ASTN1: variants seen among roughly 807,000 people sequenced by gnomAD.
ASTN1 encodes the protein astrotactin-1.
Under a neutral mutation model 140.7 loss-of-function variants are expected in ASTN1, and 41 were observed. The observed-to-expected ratio is 0.29, with a 90% CI of 0.23 to 0.38. ASTN1 has a LOEUF of 0.38. Among genes scored for constraint, ASTN1 ranks in the 10% least tolerant of loss-of-function variants. The pLI is 1.00. For synonymous variants in ASTN1, 640 were observed against 652.2 expected (o/e 0.98, Z 0.29); for missense variants, 1,479 against 1,678.8 (o/e 0.88, Z 2.08).
chr1:176,954,325 A>T (rs1321169024), intron 11 of ASTN1, among the ~76,000 whole-genome samples: 1 of 152,220 alleles, frequency 6.6e-6, no homozygotes, highest in African/African-American at 2.4e-5. Context: ...TGTGCTACAG[A>T]AAAATGGTCA....
chr1:177,036,901 C>T (rs1483818424), intron 2 of ASTN1, among the ~76,000 whole-genome samples: 11 of 152,050 alleles, frequency 7.2e-5, no homozygotes, highest in African/African-American at 2.7e-4. Flanking sequence ...CCCACTGCAA[C>T]CTCCATCTCC....
rs930181352 is a variant in ASTN1, at chr1:176,862,603, G to A, written c.*1681C>T. On this transcript the variant is annotated 3_prime_UTR_variant, in exon 23 of 23. Coordinates refer to ENST00000361833, the MANE Select transcript of ASTN1 (RefSeq NM_004319.3). ...AGTAGCTAAGATCCTGTGCCCTGGAGACCAACAGCCTGAAATCACACTGAA... is the reference window on the plus strand; with the variant it reads ...AGTAGCTAAGATCCTGTGCCCTGGAAACCAACAGCCTGAAATCACACTGAA... 4 of 982,082 alleles carry A rather than the reference G, an allele frequency of 4.1e-6. No homozygotes were observed. Among genetic ancestry groups the A allele is most frequent in the Non-Finnish European group, 1.2e-6 (1 of 827,056 alleles). 60.8% of individuals were successfully genotyped at this position (982,082 alleles called of 1,614,324 possible).
intron 1 of ASTN1, among the ~76,000 whole-genome samples, chr1:177,067,190 A>G (rs1428414703): frequency 6.6e-6 from 1 of 152,076 alleles, no homozygotes; most frequent in African/African-American, 2.4e-5. Context: ...AGGGGATAGG[A>G]TAGGAGGACA....
intron 1 of ASTN1, among the ~76,000 whole-genome samples, chr1:177,085,119 C>G (rs1357074041): frequency 6.6e-6 from 1 of 152,272 alleles, no homozygotes; most frequent in African/African-American, 2.4e-5. Flanking sequence ...CTAGTCCATA[C>G]CAGACACTAT....
intron 8 of ASTN1, among the ~76,000 whole-genome samples, chr1:176,994,837 C>T (rs969620767): frequency 2.6e-5 from 4 of 152,052 alleles, no homozygotes; most frequent in African/African-American, 7.2e-5. Context: ...ATGTAATAAG[C>T]CCTAAATGAT....
intron 20 of ASTN1, among the ~76,000 whole-genome samples, chr1:176,878,735 A>G (rs1206180339): frequency 9.2e-5 from 14 of 151,980 alleles, no homozygotes; most frequent in Admixed American, 7.9e-4. Flanking sequence ...CCTTTCAAGA[A>G]GGCGCCCAAA....
chr1:177,052,869 G>A (rs1056856259), intron 2 of ASTN1, among the ~76,000 whole-genome samples: 1 of 152,214 alleles, frequency 6.6e-6, no homozygotes, highest in Non-Finnish European at 1.5e-5. Context: ...TAGCAGAATT[G>A]TGTAGCAGAG....
chr1:176,984,674 T>G (rs1319358516), intron 8 of ASTN1, among the ~76,000 whole-genome samples: 1 of 152,186 alleles, frequency 6.6e-6, no homozygotes, highest in Non-Finnish European at 1.5e-5. Flanking sequence ...GCAATCAATG[T>G]TTTTCTGATT....
chr1:177,110,103 G>A (rs369759540), intron 1 of ASTN1, among the ~76,000 whole-genome samples: 7 of 151,952 alleles, frequency 4.6e-5, no homozygotes, highest in East Asian at 1.9e-4. Flanking sequence ...TCTTTCTCAC[G>A]GAAGTGTGAA....
chr1:177,045,199 C>A (rs1379707300), intron 2 of ASTN1, among the ~76,000 whole-genome samples: 1 of 152,170 alleles, frequency 6.6e-6, no homozygotes, highest in South Asian at 2.1e-4. Flanking sequence ...GTGGACATTT[C>A]TCAATTAATC....
In ASTN1 at chr1:176,917,462, G is replaced by C. The variant is rs545276027; in HGVS notation, c.2671+16690C>G. ...GCTTCATCTGGCACCCCCGTGGGAA[G>C]ACGTGCTTATCCTGGGGCAGCAGTG... On this transcript the variant is annotated intron_variant, in intron 16 of 22. Coordinates refer to ENST00000361833, the MANE Select transcript of ASTN1 (RefSeq NM_004319.3). Among the ~76,000 whole-genome samples, 3 of 152,310 alleles carry C rather than the reference G, an allele frequency of 2.0e-5. No homozygotes were observed. The South Asian group carries it at 6.2e-4, about 32-fold the overall frequency.
At position 176,949,370 on chromosome 1, in the gene ASTN1, A is replaced by T. The variant is rs1337088049; in HGVS notation, c.1888-19T>A. On this transcript the variant is annotated intron_variant, in intron 11 of 22. Transcript: ENST00000361833. ...ATGGGCACTGGCACAATCAGAAAAC[A>T]TCCACATACGTGGGTGAATCGGGGA... 1 of 1,606,390 alleles carries T rather than the reference A, an allele frequency of 6.2e-7. No individual in the cohort carries two copies. Among genetic ancestry groups the T allele is most frequent in the Non-Finnish European group, 8.5e-7 (1 of 1,174,956 alleles).
Position 177,091,511 on chromosome 1 carries a change from C to T in ASTN1, c.284-30246G>A, listed in dbSNP as rs1009077542. ...GCAAATACTCCCTTTGCTAGCTTCA[C>T]GTAACTTATAATTATGATAAACATG... is the stretch of plus-strand genomic sequence containing the variant. On this transcript the variant is annotated intron_variant, in intron 1 of 22. Transcript: ENST00000361833. 3.3e-5 allele frequency among the ~76,000 whole-genome samples: 5 copies of T among 152,132 alleles called. No individual in the cohort carries two copies. In the South Asian group the frequency reaches 6.2e-4, roughly 19 times the overall value.
At chr1:176,974,589 A>G (rs1206358190) in intron 8 of ASTN1, among the ~76,000 whole-genome samples, 2 of 151,858 alleles carry the variant, frequency 1.3e-5, no homozygotes, top group East Asian at 3.9e-4. Context: ...GTTTCACCAT[A>G]TTGGCCAGGT....
intron 1 of ASTN1, among the ~76,000 whole-genome samples, chr1:177,147,733 A>C (rs1682781710): frequency 1.3e-5 from 2 of 152,230 alleles, no homozygotes; most frequent in Non-Finnish European, 2.9e-5. Flanking sequence ...GACTCTGATT[A>C]GCCCAAGCTG....
chr1:177,027,044 C>G (rs1413569964), intron 5 of ASTN1, among the ~76,000 whole-genome samples: 2 of 152,194 alleles, frequency 1.3e-5, no homozygotes, highest in African/African-American at 4.8e-5. Context: ...ACCCTAAGCT[C>G]TATTCTAGTA....
At chr1:176,932,176 C>A (rs182905833) in intron 16 of ASTN1, among the ~76,000 whole-genome samples, 4 of 152,240 alleles carry the variant, frequency 2.6e-5, no homozygotes, top group Non-Finnish European at 5.9e-5. Context: ...CAGAGAAACT[C>A]ATTTTACTAG....
intron 9 of ASTN1, among the ~76,000 whole-genome samples, chr1:176,962,377 T>A (rs1672701185): frequency 6.6e-6 from 1 of 152,224 alleles, no homozygotes; most frequent in African/African-American, 2.4e-5. Flanking sequence ...TCAAGGTCTT[T>A]CCTTACTCTG....
chr1:176,869,142 G>T (rs2103012646), intron 21 of ASTN1, 115 bp from the exon 22 acceptor site: 1 of 663,850 alleles, frequency 1.5e-6, no homozygotes, highest in Non-Finnish European at 2.2e-6. Context: ...AACATATGTA[G>T]ATCATTTATA....
Sources: gnomAD v4.1 joint callset for allele counts (sites outside exome capture counted in the v4.1 genomes callset) on GRCh38, gnomAD v4.1.1 for gene constraint, MANE v1.5 for transcripts, NCBI Gene and HGNC (gene_info 2026-07-23, HGNC 2026-07-21) for gene names.